The following FSTL4 variants were observed in gnomAD, a reference collection of about 807,000 sequenced individuals.
FSTL4 encodes the protein follistatin-related protein 4.
A neutral mutation model predicts 78.2 loss-of-function variants in FSTL4; 28 were observed. That is an observed-to-expected ratio of 0.36 (90% CI 0.27 to 0.49). The LOEUF (loss-of-function observed/expected upper bound fraction) is 0.49. FSTL4 is among the 20% of genes least tolerant of loss of function. The pLI is 0.98. For missense variants in FSTL4, 922 were observed against 1,084.9 expected, an observed-to-expected ratio of 0.85 and a Z score of 2.11; for synonymous variants, 422 against 440.5, an observed-to-expected ratio of 0.96 and a Z score of 0.53.
chr5:133,681,958 G>A, the FSTL4 span, among the ~76,000 whole-genome samples: 1 of 152,248 alleles, frequency 6.6e-6, no homozygotes, highest in African/African-American at 2.4e-5. Context: ...CATGGAGAAA[G>A]TGGGCTGTTG....
chr5:133,802,173 C>A, the FSTL4 span, among the ~76,000 whole-genome samples: 1 of 152,212 alleles, frequency 6.6e-6, no homozygotes, highest in Admixed American at 6.5e-5. Context: ...CTGTAAGGGC[C>A]TGGACTGATT....
the FSTL4 span, among the ~76,000 whole-genome samples, chr5:133,699,860 G>GA: frequency 9.4e-6 from 1 of 105,856 alleles, no homozygotes; most frequent in African/African-American, 3.9e-5. Flanking sequence ...AGGCCTGGGT[G>GA]AAAGAGTGAG....
chr5:133,656,518 CAG>C, the FSTL4 span, among the ~76,000 whole-genome samples: 2 of 151,994 alleles, frequency 1.3e-5, no homozygotes, highest in Non-Finnish European at 1.5e-5. Context: ...TGTTGAGACT[CAG>C]GGGGAATACA....
the FSTL4 span, among the ~76,000 whole-genome samples, chr5:133,729,282 C>T: frequency 6.6e-6 from 1 of 151,804 alleles, no homozygotes; most frequent in African/African-American, 2.4e-5. Context: ...TCCAGGCAGC[C>T]ATATAACTGA....
Position 133,375,311 on chromosome 5 carries a change from T to TATATATATATATATATATATAA in FSTL4, c.409+25426_409+25427insTTATATATATATATATATATAT, listed in dbSNP as rs1298027325. Among the ~76,000 whole-genome samples, 3 of 138,464 alleles carry TATATATATATATATATATATAA rather than the reference T, an allele frequency of 2.2e-5. 1 individual carries two copies. The highest frequency in any genetic ancestry group is 7.7e-5 in the Admixed American group (1 of 12,952). 90.8% of individuals were successfully genotyped at this position (138,464 alleles called of 152,430 possible). On this transcript the variant is annotated intron_variant, in intron 4 of 15. Transcript: ENST00000265342. ...CATGGCATATATATATATATATATATAAAAGACTCTAAAGTTACATACCAA... is the reference window on the plus strand; with the variant it reads ...CATGGCATATATATATATATATATATATATATATATATATATATATAAAAAAGACTCTAAAGTTACATACCAA...
intron 7 of FSTL4, among the ~76,000 whole-genome samples, chr5:133,239,148 G>A (rs894675838): frequency 6.6e-6 from 1 of 152,202 alleles, no homozygotes; most frequent in African/African-American, 2.4e-5. Flanking sequence ...CTGCTGCGCT[G>A]GATTTCTTGC....
rs377101333 is a variant in FSTL4 at position 133,449,425 on chromosome 5, GCAAGGCCAAGGTAAAC to G, written c.161-48455_161-48440del. ...GCATGACACTGTCAGCTGAAAGCTA[GCAAGGCCAAGGTAAAC>G]CATGGCCAAATAGTCTAACACGCGC... is the stretch of plus-strand genomic sequence containing the variant. On this transcript the variant is annotated intron_variant, in intron 3 of 15. Transcript: ENST00000265342. Among the ~76,000 whole-genome samples, 970 of 152,350 alleles carry G rather than the reference GCAAGGCCAAGGTAAAC, an allele frequency of 6.4e-3. 9 individuals carry two copies. Among genetic ancestry groups the G allele is most frequent in the African/African-American group, 0.022 (900 of 41,568 alleles).
chr5:133,337,450 C>G (rs1754489517), intron 4 of FSTL4, among the ~76,000 whole-genome samples: 1 of 152,120 alleles, frequency 6.6e-6, no homozygotes, highest in African/African-American at 2.4e-5. Flanking sequence ...TGAATTGGAG[C>G]CCGAGGCTTC....
At chr5:133,259,476 G>C (rs1752462325) in intron 6 of FSTL4, among the ~76,000 whole-genome samples, 1 of 150,872 alleles carries the variant, frequency 6.6e-6, no homozygotes, top group South Asian at 2.1e-4. Flanking sequence ...ACTGATGGCT[G>C]TAATTTAAGG....
the FSTL4 span, among the ~76,000 whole-genome samples, chr5:133,801,662 C>A: frequency 6.6e-6 from 1 of 152,246 alleles, no homozygotes; most frequent in South Asian, 2.1e-4. Flanking sequence ...GGCCTTGATG[C>A]GAGGGGTTCA....
the FSTL4 span, among the ~76,000 whole-genome samples, chr5:133,791,691 TG>T: frequency 6.6e-6 from 1 of 152,254 alleles, no homozygotes; most frequent in East Asian, 1.9e-4. Flanking sequence ...ACCTGCATTC[TG>T]AGTGCCCCTT....
intron 3 of FSTL4, among the ~76,000 whole-genome samples, chr5:133,513,502 G>C (rs1184656723): frequency 6.6e-6 from 1 of 152,204 alleles, no homozygotes; most frequent in Non-Finnish European, 1.5e-5. Context: ...CAGCAGGGCA[G>C]AGCAGCAGCC....
At chr5:133,329,098 G>A (rs1754283069) in intron 4 of FSTL4, among the ~76,000 whole-genome samples, 1 of 152,224 alleles carries the variant, frequency 6.6e-6, no homozygotes, top group Non-Finnish European at 1.5e-5. Context: ...ACTGGCTCCA[G>A]ACTGAGGCTG....
the FSTL4 span, among the ~76,000 whole-genome samples, chr5:133,691,130 C>A: frequency 6.6e-6 from 1 of 152,130 alleles, no homozygotes; most frequent in Admixed American, 6.6e-5. Flanking sequence ...TTTGGAAAGG[C>A]GTTTTGGGGA....
At chr5:133,314,408 A>G (rs1179945866) in intron 5 of FSTL4, among the ~76,000 whole-genome samples, 2 of 152,236 alleles carry the variant, frequency 1.3e-5, no homozygotes, top group Non-Finnish European at 2.9e-5. Flanking sequence ...CCACTCAGGT[A>G]TGAGTGAACA....
the FSTL4 span, among the ~76,000 whole-genome samples, chr5:133,711,799 C>T: frequency 6.6e-6 from 1 of 152,202 alleles, no homozygotes; most frequent in South Asian, 2.1e-4. Flanking sequence ...CGTGGACTGA[C>T]CTTCCAAGGC....
rs552260627 is a variant in FSTL4 at position 133,305,732 on chromosome 5, C to T, written c.727+6922G>A. Among the ~76,000 whole-genome samples, 376 of 152,328 alleles carry T rather than the reference C, an allele frequency of 2.5e-3. 1 individual carries two copies. Among genetic ancestry groups the T allele is most frequent in the African/African-American group, 8.5e-3 (352 of 41,578 alleles). Reference sequence around the variant, plus strand: ...GCTCTGTGTGCGTTTGCTGACCTAACACCACCTCATCTTTCATGGTTCTCC... The same window carrying T: ...GCTCTGTGTGCGTTTGCTGACCTAATACCACCTCATCTTTCATGGTTCTCC... On this transcript the variant is annotated intron_variant, in intron 6 of 15. Coordinates refer to ENST00000265342, the MANE Select transcript of FSTL4 (RefSeq NM_015082.2).
the FSTL4 span, among the ~76,000 whole-genome samples, chr5:133,700,976 C>T: frequency 6.6e-6 from 1 of 152,218 alleles, no homozygotes; most frequent in African/African-American, 2.4e-5. Context: ...TCTCTCTGCT[C>T]ATTCAGACGC....
At position 133,301,546 on chromosome 5, in the gene FSTL4, G is replaced by A. The variant is rs570946676; in HGVS notation, c.727+11108C>T. On this transcript the variant is annotated intron_variant, in intron 6 of 15. Transcript: ENST00000265342. ...AATGTGGGGTGGGCTTGGAAGTGCC[G>A]CTCCATACACTGCCCATCGCACCAC... Among the ~76,000 whole-genome samples, 5 of 152,228 alleles carry A rather than the reference G, an allele frequency of 3.3e-5. No individual in the cohort carries two copies. In the South Asian group the frequency reaches 6.2e-4, roughly 19 times the overall value.
Sources: gnomAD v4.1 joint callset for allele counts (sites outside exome capture counted in the v4.1 genomes callset) on GRCh38, gnomAD v4.1.1 for gene constraint, MANE v1.5 for transcripts, NCBI Gene and HGNC (gene_info 2026-07-23, HGNC 2026-07-21) for gene names.